KLHL1: variants seen among roughly 807,000 people sequenced by gnomAD.
KLHL1 encodes kelch like family member 1, also known as kelch-like protein 1.
KLHL1 carries 47 observed loss-of-function variants against 77.7 expected under a neutral mutation model. The ratio of observed to expected loss-of-function variants is 0.60; its 90% CI spans 0.48 to 0.77. The LOEUF is 0.77. Ranked by LOEUF, KLHL1 falls within the 30% of genes least tolerant of loss-of-function variation. The probability of loss-of-function intolerance (pLI) is 0.00; values close to 1 mark genes in which losing one functional copy is unlikely to be tolerated. For missense variants in KLHL1, 925 were observed against 910.8 expected (o/e 1.02, Z -0.20); for synonymous variants, 360 against 325.2 (o/e 1.11, Z -1.15).
At chr13:69,826,697 A>G (rs1878563950) in intron 6 of KLHL1, among the ~76,000 whole-genome samples, 1 of 152,160 alleles carries the variant, frequency 6.6e-6, no homozygotes. Flanking sequence ...CAATATATAC[A>G]TATTCAAAGT....
At chr13:69,774,203 A>G (rs1875711250) in intron 7 of KLHL1, among the ~76,000 whole-genome samples, 1 of 151,954 alleles carries the variant, frequency 6.6e-6, no homozygotes, top group South Asian at 2.1e-4. Flanking sequence ...ATAATGAACT[A>G]TTTTTTGTAA....
In KLHL1 at chr13:70,036,539, G is replaced by GA. The variant is rs532067319; in HGVS notation, c.498-60738dup. ...CGTATGTGTGTATGGGTGTATATATGAAATGTTTTATTCAGTTTTGCTTAT... is the reference window on the plus strand; with the variant it reads ...CGTATGTGTGTATGGGTGTATATATGAAAATGTTTTATTCAGTTTTGCTTAT... On this transcript the variant is annotated intron_variant, in intron 1 of 10. Coordinates refer to ENST00000377844, the MANE Select transcript of KLHL1 (RefSeq NM_020866.3). Among the ~76,000 whole-genome samples, 666 of 151,894 alleles carry GA rather than the reference G, an allele frequency of 4.4e-3. 1 individual carries two copies. Among genetic ancestry groups the GA allele is most frequent in the Admixed American group, 9.2e-3 (140 of 15,250 alleles).
In KLHL1 at chr13:69,726,003, A is replaced by G. The variant is rs536492788; in HGVS notation, c.1803-6422T>C. Reference sequence around the variant, plus strand: ...CAGCTGAGGTTGTGTCTCCACTAGAAAGTCTTTTCTGATCCCATTTTGTCT... The same window carrying G: ...CAGCTGAGGTTGTGTCTCCACTAGAGAGTCTTTTCTGATCCCATTTTGTCT... On this transcript the variant is annotated intron_variant, in intron 8 of 10. Coordinates refer to ENST00000377844, the MANE Select transcript of KLHL1 (RefSeq NM_020866.3). Among the ~76,000 whole-genome samples the G allele has an allele frequency of 4.6e-5, 7 of 152,230 alleles. No homozygotes were observed. The South Asian group carries it at 1.5e-3, about 32-fold the overall frequency.
intron 4 of KLHL1, among the ~76,000 whole-genome samples, chr13:69,885,650 T>C (rs188367780): frequency 2.0e-5 from 3 of 152,298 alleles, no homozygotes; most frequent in Admixed American, 6.5e-5. Flanking sequence ...TTATTGTCTA[T>C]GAAGATCATA....
intron 4 of KLHL1, among the ~76,000 whole-genome samples, chr13:69,920,192 G>A (rs1240491269): frequency 6.6e-6 from 1 of 151,678 alleles, no homozygotes; most frequent in Non-Finnish European, 1.5e-5. Flanking sequence ...AAAGAGTTCT[G>A]GAAACAGCTT....
In KLHL1 at chr13:69,978,633, T is replaced by C. The variant is rs564356175; in HGVS notation, c.498-2831A>G. 4.6e-5 allele frequency among the ~76,000 whole-genome samples: 7 copies of C among 151,612 alleles called. No homozygotes were observed. In the South Asian group the frequency reaches 1.5e-3, roughly 32 times the overall value. ...TCCTGAGTAGCTGGGATTACAGGCA[T>C]GCACCACCATGCCCGGCTCATTTTT... is the stretch of plus-strand genomic sequence containing the variant. On this transcript the variant is annotated intron_variant, in intron 1 of 10. Coordinates refer to ENST00000377844, the MANE Select transcript of KLHL1 (RefSeq NM_020866.3).
At chr13:69,760,430 A>G (rs2137964188) in intron 7 of KLHL1, among the ~76,000 whole-genome samples, 1 of 152,192 alleles carries the variant, frequency 6.6e-6, no homozygotes, top group South Asian at 2.1e-4. Context: ...ATCTCAGCTC[A>G]CTGCAACCTC....
chr13:69,787,959 A>G (rs1248800329), intron 7 of KLHL1, among the ~76,000 whole-genome samples: 4 of 152,266 alleles, frequency 2.6e-5, no homozygotes, highest in African/African-American at 9.6e-5. Flanking sequence ...ACAATGAGAT[A>G]CCATCTCACA....
In KLHL1 at chr13:70,024,362, T is replaced by C. The variant is rs1331763348; in HGVS notation, c.498-48560A>G. Among the ~76,000 whole-genome samples the C allele has an allele frequency of 2.0e-5, 3 of 151,832 alleles. No homozygotes were observed. In the East Asian group the frequency reaches 5.8e-4, roughly 29 times the overall value. On this transcript the variant is annotated intron_variant, in intron 1 of 10. Transcript: ENST00000377844. ...GAATTGTAAGACCTAGATAGAAAGA[T>C]AGAGAGTGAGAAAGGGGGAAGAGAG... is the stretch of plus-strand genomic sequence containing the variant.
chr13:69,940,027 TAA>T lies in KLHL1; in HGVS notation c.1014+11_1014+12del. ...GAGTGTGTCTCCATTATTAAAACAT[TAA>T]GTTTCCTTACCATTGTGTAGCTGTG... On this transcript the variant is annotated intron_variant, in intron 4 of 10. Coordinates refer to ENST00000377844, the MANE Select transcript of KLHL1 (RefSeq NM_020866.3). The T allele has an allele frequency of 1.3e-6, 2 of 1,579,340 alleles. No individual in the cohort carries two copies. The highest frequency in any genetic ancestry group is 1.7e-6 in the Non-Finnish European group (2 of 1,159,348).
intron 1 of KLHL1, among the ~76,000 whole-genome samples, chr13:70,052,625 T>C (rs1296299988): frequency 1.3e-5 from 2 of 151,864 alleles, no homozygotes; most frequent in Non-Finnish European, 2.9e-5. Context: ...CCCATATTTA[T>C]TAACTATTAA....
At chr13:69,741,455 G>A (rs190266411) in intron 7 of KLHL1, among the ~76,000 whole-genome samples, 1 of 152,180 alleles carries the variant, frequency 6.6e-6, no homozygotes, top group East Asian at 1.9e-4. Context: ...ACAAATTTAT[G>A]CATATTGATT....
At chr13:70,048,628 G>A (rs1362290775) in intron 1 of KLHL1, among the ~76,000 whole-genome samples, 1 of 152,200 alleles carries the variant, frequency 6.6e-6, no homozygotes, top group Non-Finnish European at 1.5e-5. Context: ...TTTCTCATAA[G>A]GAGCATGCAA....
At chr13:70,094,643 T>C (rs1318405572) in intron 1 of KLHL1, among the ~76,000 whole-genome samples, 1 of 152,134 alleles carries the variant, frequency 6.6e-6, no homozygotes, top group Non-Finnish European at 1.5e-5. Flanking sequence ...GGAGCCATTT[T>C]ACTTTGGATG....
rs71116988 is a variant in KLHL1, at chr13:70,084,622, C to CTTTTTTTTTTTTTTTTTTTTT, written c.497+22560_497+22580dup. Among the ~76,000 whole-genome samples the CTTTTTTTTTTTTTTTTTTTTT allele has an allele frequency of 2.4e-3, 36 of 14,952 alleles. 7 individuals are homozygous for CTTTTTTTTTTTTTTTTTTTTT. The highest frequency in any genetic ancestry group is 9.1e-3 in the East Asian group (2 of 220). 9.8% of individuals were successfully genotyped at this position (14,952 alleles called of 152,430 possible). The stretch of plus-strand genomic sequence containing the variant: ...TACAGGCACCTGCCACCACGCCAGG[C>CTTTTTTTTTTTTTTTTTTTTT]TTTTTTTTTTTTTTTTTTTTTTTTT... On this transcript the variant is annotated intron_variant, in intron 1 of 10. Transcript: ENST00000377844.
At chr13:69,790,700 A>T (rs2138026840) in intron 7 of KLHL1, among the ~76,000 whole-genome samples, 1 of 152,334 alleles carries the variant, frequency 6.6e-6, no homozygotes, top group South Asian at 2.1e-4. Context: ...CAAAAATCAC[A>T]TGCATATTTC....
At chr13:70,050,021 C>A (rs1254903109) in intron 1 of KLHL1, among the ~76,000 whole-genome samples, 1 of 151,668 alleles carries the variant, frequency 6.6e-6, no homozygotes, top group African/African-American at 2.4e-5. Context: ...ATGTAAAATA[C>A]AGAATTAAAA....
intron 7 of KLHL1, among the ~76,000 whole-genome samples, chr13:69,795,674 C>A (rs999402049): frequency 2.6e-5 from 4 of 152,094 alleles, no homozygotes; most frequent in African/African-American, 9.7e-5. Context: ...GAATTGGTGG[C>A]AAATCACAAA....
At chr13:69,832,726 C>A (rs1878810105) in intron 6 of KLHL1, among the ~76,000 whole-genome samples, 1 of 151,948 alleles carries the variant, frequency 6.6e-6, no homozygotes, top group South Asian at 2.1e-4. Flanking sequence ...ACTATAGCCA[C>A]CAAAACAGCA....
Sources: gnomAD v4.1 joint callset for allele counts (sites outside exome capture counted in the v4.1 genomes callset) on GRCh38, gnomAD v4.1.1 for gene constraint, MANE v1.5 for transcripts, NCBI Gene and HGNC (gene_info 2026-07-23, HGNC 2026-07-21) for gene names.